The following NCOA1 variants were observed in gnomAD, a reference collection of about 807,000 sequenced individuals.
NCOA1 encodes Hin-2 protein.
A neutral mutation model predicts 150.9 loss-of-function variants in NCOA1; 35 were observed. The observed-to-expected ratio is 0.23, with a 90% CI of 0.18 to 0.31. NCOA1 has a LOEUF of 0.31. NCOA1 is among the 10% of genes least tolerant of loss of function. The probability of loss-of-function intolerance (pLI) is 1.00; values close to 1 mark genes in which losing one functional copy is unlikely to be tolerated. For synonymous variants in NCOA1, 590 were observed against 630.0 expected (o/e 0.94, Z 0.95); for missense variants, 1,491 against 1,749.3 (o/e 0.85, Z 2.63).
chr2:24,719,490 A>G (rs1313079126), intron 14 of NCOA1, among the ~76,000 whole-genome samples: 1 of 152,260 alleles, frequency 6.6e-6, no homozygotes, highest in Non-Finnish European at 1.5e-5. Flanking sequence ...ATCTGAGAGT[A>G]GAATGATTTC....
rs369898436 is a variant in NCOA1, at chr2:24,683,142, T to C, written c.532+14T>C. 2 of 1,535,056 alleles carry C rather than the reference T, an allele frequency of 1.3e-6. No individual in the cohort carries two copies. Among genetic ancestry groups the C allele is most frequent in the African/African-American group, 2.8e-5 (2 of 71,334 alleles). On this transcript the variant is annotated intron_variant, in intron 8 of 22. Transcript: ENST00000348332. ...CAAAATCACTAGGTAAACAGAAATG[T>C]GTTTTTAAAAAGAATACTAGCTCTC... is the stretch of plus-strand genomic sequence containing the variant.
chr2:24,650,134 T>A (rs760101726), intron 4 of NCOA1, among the ~76,000 whole-genome samples: 10 of 152,192 alleles, frequency 6.6e-5, no homozygotes, highest in Non-Finnish European at 1.0e-4. Context: ...GGCAGTGATT[T>A]ATGGTAGAAG....
At chr2:24,657,767 A>G (rs868081813) in intron 4 of NCOA1, among the ~76,000 whole-genome samples, 1 of 152,214 alleles carries the variant, frequency 6.6e-6, no homozygotes, top group Non-Finnish European at 1.5e-5. Flanking sequence ...GAATTTAAGG[A>G]AAAGCTAAAG....
At chr2:24,521,422 A>G (rs1353386791) in intron 1 of NCOA1, among the ~76,000 whole-genome samples, 1 of 152,114 alleles carries the variant, frequency 6.6e-6, no homozygotes, top group African/African-American at 2.4e-5. Context: ...GATAACCATC[A>G]TTCTATTCTC....
chr2:24,737,269 A>G (rs1663359528), intron 17 of NCOA1, among the ~76,000 whole-genome samples: 1 of 152,224 alleles, frequency 6.6e-6, no homozygotes, highest in South Asian at 2.1e-4. Context: ...GGTCAAAATA[A>G]GACAGGTGTA....
At chr2:24,695,242 T>C (rs1306240486) in intron 10 of NCOA1, among the ~76,000 whole-genome samples, 1 of 152,072 alleles carries the variant, frequency 6.6e-6, no homozygotes, top group Non-Finnish European at 1.5e-5. Flanking sequence ...ACCATAATCA[T>C]GTAAAATAAA....
intron 2 of NCOA1, among the ~76,000 whole-genome samples, chr2:24,584,144 AC>A (rs1233848390): frequency 6.6e-6 from 1 of 152,142 alleles, no homozygotes; most frequent in East Asian, 1.9e-4. Context: ...TTGAAATATC[AC>A]CGTACCCCAT....
chr2:24,639,984 C>T (rs921787034), intron 3 of NCOA1, among the ~76,000 whole-genome samples: 8 of 131,736 alleles, frequency 6.1e-5, no homozygotes, highest in African/African-American at 1.8e-4. Flanking sequence ...AGAGTATAAA[C>T]GCAACTTCAG....
chr2:24,733,981 T>G (rs1227028167), intron 17 of NCOA1, among the ~76,000 whole-genome samples: 2 of 152,104 alleles, frequency 1.3e-5, no homozygotes, highest in Non-Finnish European at 2.9e-5. Flanking sequence ...GGTCAAGAGT[T>G]CGAGACCAGC....
chr2:24,566,540 T>C (rs1666515018), intron 2 of NCOA1, among the ~76,000 whole-genome samples: 1 of 152,090 alleles, frequency 6.6e-6, no homozygotes. Context: ...GGTTCATGAG[T>C]GGGCCCAGAA....
intron 1 of NCOA1, among the ~76,000 whole-genome samples, chr2:24,511,131 G>A (rs1308959000): frequency 1.3e-5 from 2 of 152,120 alleles, no homozygotes; most frequent in African/African-American, 4.8e-5. Flanking sequence ...CTTTCACTTA[G>A]TGTAATGTTT....
chr2:24,758,285 A>T, intron 21 of NCOA1, 129 bp downstream of exon 21: 3 of 870,860 alleles, frequency 3.4e-6, no homozygotes, highest in Non-Finnish European at 4.9e-6. Context: ...ACTTTTAATA[A>T]TTACTGGCTC....
chr2:24,648,861 A>G (rs1670591591), intron 4 of NCOA1, among the ~76,000 whole-genome samples: 1 of 152,052 alleles, frequency 6.6e-6, no homozygotes, highest in Non-Finnish European at 1.5e-5. Flanking sequence ...TCAAAATTGA[A>G]TAGCTTCTGA....
intron 3 of NCOA1, among the ~76,000 whole-genome samples, chr2:24,604,714 C>T (rs2148366288): frequency 6.6e-6 from 1 of 152,314 alleles, no homozygotes; most frequent in South Asian, 2.1e-4. Context: ...ACCACTCAAA[C>T]TTTACCCATA....
intron 2 of NCOA1, among the ~76,000 whole-genome samples, chr2:24,581,011 C>A (rs1219652975): frequency 6.6e-6 from 1 of 152,196 alleles, no homozygotes; most frequent in Non-Finnish European, 1.5e-5. Context: ...CTCTACTTTG[C>A]CTCTCTTGAC....
chr2:24,626,494 C>A (rs1429804476), intron 3 of NCOA1, among the ~76,000 whole-genome samples: 1 of 152,070 alleles, frequency 6.6e-6, no homozygotes, highest in East Asian at 1.9e-4. Context: ...ATAGGAAAAG[C>A]AAGGCAAGCT....
At chr2:24,553,409 G>A (rs1665946783) in intron 1 of NCOA1, among the ~76,000 whole-genome samples, 1 of 152,018 alleles carries the variant, frequency 6.6e-6, no homozygotes, top group Admixed American at 6.6e-5. Flanking sequence ...AGTAGAGACG[G>A]GGTTTCACCT....
chr2:24,529,033 C>T (rs976738165), intron 1 of NCOA1, among the ~76,000 whole-genome samples: 1 of 151,998 alleles, frequency 6.6e-6, no homozygotes, highest in Admixed American at 6.5e-5. Flanking sequence ...ACTACAGGCG[C>T]CCGCCACCAC....
intron 1 of NCOA1, among the ~76,000 whole-genome samples, chr2:24,548,077 G>A (rs1256319480): frequency 6.7e-6 from 1 of 149,720 alleles, no homozygotes. Flanking sequence ...AAAAAGATAT[G>A]AAACTGTATA....
Sources: gnomAD v4.1 joint callset for allele counts (sites outside exome capture counted in the v4.1 genomes callset) on GRCh38, gnomAD v4.1.1 for gene constraint, MANE v1.5 for transcripts, NCBI Gene and HGNC (gene_info 2026-07-23, HGNC 2026-07-21) for gene names.